Variants in ZNF385D observed in about 807,000 individuals in gnomAD.
ZNF385D encodes zinc finger protein 659.
A neutral mutation model predicts 35.8 loss-of-function variants in ZNF385D; 15 were observed. The ratio of observed to expected loss-of-function variants is 0.42; its 90% confidence interval spans 0.28 to 0.64. The LOEUF (loss-of-function observed/expected upper bound fraction) is 0.64. ZNF385D is among the 30% of genes least tolerant of loss of function. The pLI is 0.23. For missense variants in ZNF385D, 474 were observed against 494.6 expected, an observed-to-expected ratio of 0.96 and a Z score of 0.39; for synonymous variants, 212 against 186.8, an observed-to-expected ratio of 1.13 and a Z score of -1.10.
chr3:22,371,093 T>C (rs1559546728), intron 2 of ZNF385D, among the ~76,000 whole-genome samples: 2 of 152,232 alleles, frequency 1.3e-5, no homozygotes, highest in Non-Finnish European at 2.9e-5. Context: ...AGCCCGGACA[T>C]GCTGTGTTGC....
intron 3 of ZNF385D, among the ~76,000 whole-genome samples, chr3:22,004,854 C>T (rs558569246): frequency 6.6e-6 from 1 of 152,162 alleles, no homozygotes; most frequent in Non-Finnish European, 1.5e-5. Context: ...GTACATCTCA[C>T]ATATATTGAT....
intron 3 of ZNF385D, among the ~76,000 whole-genome samples, chr3:21,968,993 C>A (rs1455908163): frequency 6.6e-6 from 1 of 152,130 alleles, no homozygotes. Context: ...AACCCATTCT[C>A]CTGAGAGACA....
Position 21,592,665 on chromosome 3 carries a change from C to T in ZNF385D, c.166-27981G>A, listed in dbSNP as rs552672985. ...GTAAAGCTTATGTTTGCTCAAACTC[C>T]CATTCTCAAATCAGATCGTTTAGAG... On this transcript the variant is annotated intron_variant, in intron 2 of 7. Coordinates refer to ENST00000281523, the MANE Select transcript of ZNF385D (RefSeq NM_024697.3). Among the ~76,000 whole-genome samples, 9 of 152,124 alleles carry T rather than the reference C, an allele frequency of 5.9e-5. No homozygotes were observed. In the South Asian group the frequency reaches 1.5e-3, roughly 25 times the overall value.
chr3:22,190,698 C>T (rs1326547769), intron 2 of ZNF385D, among the ~76,000 whole-genome samples: 1 of 152,080 alleles, frequency 6.6e-6, no homozygotes, highest in Non-Finnish European at 1.5e-5. Context: ...AACCTTATTT[C>T]TTTAGTATTT....
chr3:22,329,098 G>A (rs1278992409), intron 2 of ZNF385D, among the ~76,000 whole-genome samples: 366 of 105,768 alleles, frequency 3.5e-3, no homozygotes, highest in South Asian at 6.5e-3. Context: ...AAAAAAAAAA[G>A]AGTTTATTAA....
intron 2 of ZNF385D, among the ~76,000 whole-genome samples, chr3:22,254,865 CCT>C (rs1317331665): frequency 6.6e-6 from 1 of 151,648 alleles, no homozygotes. Context: ...GTGCTTAGTC[CCT>C]GTGTTATCAG....
At chr3:22,186,954 G>A (rs1409087896) in intron 2 of ZNF385D, among the ~76,000 whole-genome samples, 2 of 152,060 alleles carry the variant, frequency 1.3e-5, no homozygotes, top group Non-Finnish European at 2.9e-5. Flanking sequence ...TGCCAATGAG[G>A]TAGGTACTGT....
intron 3 of ZNF385D, among the ~76,000 whole-genome samples, chr3:22,044,714 G>A (rs1482938763): frequency 6.6e-6 from 1 of 152,056 alleles, no homozygotes; most frequent in East Asian, 1.9e-4. Flanking sequence ...GGGAAGGAAG[G>A]TGGAGAGAAT....
At chr3:21,733,516 T>G (rs928431816) in intron 1 of ZNF385D, among the ~76,000 whole-genome samples, 1 of 152,212 alleles carries the variant, frequency 6.6e-6, no homozygotes, top group Non-Finnish European at 1.5e-5. Flanking sequence ...ACATTGGTGT[T>G]GTAAATACTG....
chr3:21,764,480 A>C (rs2070745988), intron 3 of ZNF385D, among the ~76,000 whole-genome samples: 2 of 152,164 alleles, frequency 1.3e-5, no homozygotes, highest in Non-Finnish European at 1.5e-5. Flanking sequence ...ATAATGCTGT[A>C]ATCTCTGGTA....
chr3:21,507,786 T>C (rs1193406221), intron 4 of ZNF385D, among the ~76,000 whole-genome samples: 1 of 152,142 alleles, frequency 6.6e-6, no homozygotes, highest in Non-Finnish European at 1.5e-5. Context: ...AGGAAGCACA[T>C]AGTAATAAAA....
intron 3 of ZNF385D, among the ~76,000 whole-genome samples, chr3:21,954,503 C>A (rs1299909573): frequency 1.3e-5 from 2 of 151,954 alleles, no homozygotes; most frequent in Non-Finnish European, 2.9e-5. Flanking sequence ...TCTCATTTTG[C>A]AGCAATTTTA....
At chr3:21,501,485 A>G (rs1194814462) in intron 4 of ZNF385D, among the ~76,000 whole-genome samples, 1 of 152,210 alleles carries the variant, frequency 6.6e-6, no homozygotes, top group Admixed American at 6.5e-5. Context: ...CTCAGTAGAA[A>G]CACTGTCTCC....
At chr3:22,188,216 A>G (rs1695770814) in intron 2 of ZNF385D, among the ~76,000 whole-genome samples, 1 of 152,174 alleles carries the variant, frequency 6.6e-6, no homozygotes, top group Non-Finnish European at 1.5e-5. Flanking sequence ...GATTTATTTT[A>G]GTAAGTAAAA....
At chr3:22,125,705 T>C (rs1237124853) in intron 3 of ZNF385D, among the ~76,000 whole-genome samples, 1 of 152,154 alleles carries the variant, frequency 6.6e-6, no homozygotes, top group Non-Finnish European at 1.5e-5. Context: ...AATTATATTC[T>C]TGATTTATCA....
At chr3:21,947,468 A>T (rs751586709) in intron 3 of ZNF385D, among the ~76,000 whole-genome samples, 7 of 152,038 alleles carry the variant, frequency 4.6e-5, no homozygotes, top group Non-Finnish European at 4.4e-5. Flanking sequence ...CTCCTGCCTC[A>T]GCCTCCTGAG....
At chr3:22,043,173 G>C (rs1227034421) in intron 3 of ZNF385D, among the ~76,000 whole-genome samples, 1 of 152,044 alleles carries the variant, frequency 6.6e-6, no homozygotes, top group Non-Finnish European at 1.5e-5. Flanking sequence ...CTAATGTTAA[G>C]AAAACAAAAC....
chr3:22,126,201 T>A (rs1703416184), intron 3 of ZNF385D, among the ~76,000 whole-genome samples: 1 of 151,968 alleles, frequency 6.6e-6, no homozygotes, highest in African/African-American at 2.4e-5. Flanking sequence ...TCTGCTAATA[T>A]AATGTATCAT....
chr3:21,994,245 A>G (rs1338540170), intron 3 of ZNF385D, among the ~76,000 whole-genome samples: 1 of 152,202 alleles, frequency 6.6e-6, no homozygotes, highest in Admixed American at 6.5e-5. Flanking sequence ...GTTTTTACTT[A>G]AACAGCATTC....
Sources: gnomAD v4.1 joint callset for allele counts (sites outside exome capture counted in the v4.1 genomes callset) on GRCh38, gnomAD v4.1.1 for gene constraint, MANE v1.5 for transcripts, NCBI Gene and HGNC (gene_info 2026-07-23, HGNC 2026-07-21) for gene names.